The following CFAP299 variants were observed in gnomAD, a reference collection of about 807,000 sequenced individuals.
CFAP299 encodes the protein cilia and flagella associated protein 299.
A neutral mutation model predicts 27.0 loss-of-function variants in CFAP299; 21 were observed. The observed-to-expected ratio is 0.78, with a 90% confidence interval of 0.55 to 1.12. The LOEUF (loss-of-function observed/expected upper bound fraction) is 1.12, where lower values mean the gene tolerates loss of function less well. Among genes scored for constraint, CFAP299 ranks in the 50% most tolerant of loss-of-function variants. CFAP299 has a pLI of 0.00. For synonymous variants in CFAP299, 104 were observed against 98.1 expected, an observed-to-expected ratio of 1.06 and a Z score of -0.36; for missense variants, 310 against 276.6, an observed-to-expected ratio of 1.12 and a Z score of -0.86.
chr4:80,326,092 C>A, the CFAP299 span, among the ~76,000 whole-genome samples: 309 of 152,140 alleles, frequency 2.0e-3, 3 homozygotes, highest in East Asian at 0.031. Context: ...CTGCAACTGT[C>A]GATATTAGAT....
At chr4:80,725,441 T>G (rs914709935) in intron 3 of CFAP299, among the ~76,000 whole-genome samples, 3 of 152,174 alleles carry the variant, frequency 2.0e-5, no homozygotes, top group African/African-American at 7.2e-5. Flanking sequence ...TTCAAATGTC[T>G]GGAGATACTT....
chr4:80,807,135 G>T (rs1167892443), intron 3 of CFAP299, among the ~76,000 whole-genome samples: 1 of 151,906 alleles, frequency 6.6e-6, no homozygotes, highest in Non-Finnish European at 1.5e-5. Context: ...TTAAAGAAAT[G>T]ATTTTTTTCT....
intron 2 of CFAP299, among the ~76,000 whole-genome samples, chr4:80,469,243 ACT>A (rs1729864516): frequency 6.6e-6 from 1 of 152,060 alleles, no homozygotes; most frequent in Admixed American, 6.5e-5. Context: ...CTTCCAGGTG[ACT>A]CTGATGTCTG....
chr4:80,907,320 C>T (rs1214369230), intron 4 of CFAP299, among the ~76,000 whole-genome samples: 2 of 152,200 alleles, frequency 1.3e-5, no homozygotes, highest in Non-Finnish European at 2.9e-5. Flanking sequence ...AAACTTTCCA[C>T]ATTTTCCTGT....
At chr4:80,454,755 A>T (rs1729066348) in intron 2 of CFAP299, among the ~76,000 whole-genome samples, 1 of 152,190 alleles carries the variant, frequency 6.6e-6, no homozygotes, top group Non-Finnish European at 1.5e-5. Context: ...AGAGAGAAAG[A>T]GTTTAAGTCA....
Position 80,390,823 on chromosome 4 carries a change from G to GTATATATGTATATACACA in CFAP299, c.242+27944_242+27945insATGTATATACACATATAT, listed in dbSNP as rs1210239434. On this transcript the variant is annotated intron_variant, in intron 2 of 5. Transcript: ENST00000358105. The stretch of plus-strand genomic sequence containing the variant: ...TGTATATATGTATACACACATATAT[G>GTATATATGTATATACACA]TATATGTATATATGTATATACACAT... Among the ~76,000 whole-genome samples the GTATATATGTATATACACA allele has an allele frequency of 6.1e-5, 6 of 99,152 alleles. No homozygotes were observed. The East Asian group carries it at 2.1e-3, about 35-fold the overall frequency. 65.0% of individuals were successfully genotyped at this position (99,152 alleles called of 152,430 possible).
chr4:80,832,690 T>C (rs72881533), intron 3 of CFAP299, among the ~76,000 whole-genome samples: 12,010 of 152,186 alleles, frequency 0.079, 538 homozygotes, highest in African/African-American at 0.11. Context: ...TTCGGAGGTA[T>C]AGCGTTTATT....
chr4:80,886,699 A>G (rs1040740454), intron 4 of CFAP299, among the ~76,000 whole-genome samples: 3 of 152,118 alleles, frequency 2.0e-5, no homozygotes, highest in African/African-American at 7.2e-5. Context: ...GCATCAAACC[A>G]TCCAGGAACA....
chr4:80,653,387 T>A (rs886272178), intron 3 of CFAP299, among the ~76,000 whole-genome samples: 2 of 144,918 alleles, frequency 1.4e-5, no homozygotes, highest in African/African-American at 5.1e-5. Flanking sequence ...TCAACTGGAT[T>A]ATGTATACAG....
In CFAP299 at chr4:80,637,973, G is replaced by C. The variant is rs371709191; in HGVS notation, c.333+54790G>C. 2.0e-5 allele frequency among the ~76,000 whole-genome samples: 3 copies of C among 152,246 alleles called. No individual in the cohort carries two copies. The East Asian group carries it at 5.8e-4, about 29-fold the overall frequency. ...ATCCTGGTTGATTTCTAGCAATAAA[G>C]AAAATATTTTTTATTAACTTTCTAC... is the stretch of plus-strand genomic sequence containing the variant. On this transcript the variant is annotated intron_variant, in intron 3 of 5. Transcript: ENST00000358105.
chr4:80,835,323 C>G (rs941148042), intron 3 of CFAP299, among the ~76,000 whole-genome samples: 1 of 152,012 alleles, frequency 6.6e-6, no homozygotes, highest in African/African-American at 2.4e-5. Flanking sequence ...TGGTCTTGAT[C>G]TCCTGACCTC....
intron 3 of CFAP299, among the ~76,000 whole-genome samples, chr4:80,851,670 A>T (rs1427264021): frequency 6.6e-6 from 1 of 152,180 alleles, no homozygotes; most frequent in Non-Finnish European, 1.5e-5. Flanking sequence ...TGGAAAAATC[A>T]AGTAAGCTAT....
chr4:80,841,609 A>G (rs1194245658), intron 3 of CFAP299, among the ~76,000 whole-genome samples: 3 of 152,220 alleles, frequency 2.0e-5, no homozygotes, highest in South Asian at 2.1e-4. Context: ...AAGATTATAT[A>G]TGATCCCAAA....
chr4:80,536,881 A>G (rs1214635710), intron 2 of CFAP299, among the ~76,000 whole-genome samples: 2 of 152,142 alleles, frequency 1.3e-5, no homozygotes, highest in African/African-American at 4.8e-5. Flanking sequence ...GCTTCAGCAC[A>G]GCAAAGAAAA....
Position 80,591,192 on chromosome 4 carries a change from A to C in CFAP299, c.333+8009A>C, listed in dbSNP as rs1259332793. 2.1e-4 allele frequency among the ~76,000 whole-genome samples: 28 copies of C among 130,676 alleles called. No homozygotes were observed. The South Asian group carries it at 3.5e-3, about 16-fold the overall frequency. The allele number at this position is 130,676 out of a possible 152,430, so 85.7% of individuals were successfully genotyped here. ...AGGCTGGAGTGCAGTGGCGGGATCT[A>C]GGCTCACTGCAAGCTCCGCCTCCCG... On this transcript the variant is annotated intron_variant, in intron 3 of 5. Coordinates refer to ENST00000358105, the MANE Select transcript of CFAP299 (RefSeq NM_152770.3).
At chr4:80,800,229 A>G (rs1264139251) in intron 3 of CFAP299, among the ~76,000 whole-genome samples, 1 of 75,206 alleles carries the variant, frequency 1.3e-5, no homozygotes, top group Admixed American at 2.5e-4. Flanking sequence ...TATAATATAT[A>G]ATAAATAATA....
intron 3 of CFAP299, among the ~76,000 whole-genome samples, chr4:80,602,131 T>G (rs1737386303): frequency 6.6e-6 from 1 of 151,952 alleles, no homozygotes; most frequent in Admixed American, 6.6e-5. Context: ...AATACCTGAG[T>G]GATGAAATAA....
intron 3 of CFAP299, among the ~76,000 whole-genome samples, chr4:80,815,690 G>A (rs561882488): frequency 1.1e-3 from 166 of 151,974 alleles, no homozygotes; most frequent in African/African-American, 3.8e-3. Context: ...AGCATATTGT[G>A]GAGCCCTGAA....
chr4:80,671,941 A>G (rs992694984), intron 3 of CFAP299, among the ~76,000 whole-genome samples: 3 of 152,154 alleles, frequency 2.0e-5, no homozygotes, highest in East Asian at 1.9e-4. Flanking sequence ...TCATCATGTC[A>G]TCTGCACACA....
Sources: gnomAD v4.1 joint callset for allele counts (sites outside exome capture counted in the v4.1 genomes callset) on GRCh38, gnomAD v4.1.1 for gene constraint, MANE v1.5 for transcripts, NCBI Gene and HGNC (gene_info 2026-07-23, HGNC 2026-07-21) for gene names.